The following GSPT2 variants were observed in gnomAD, a reference collection of about 807,000 sequenced individuals.
GSPT2 encodes the protein G1 to S phase transition 2.
Under a neutral mutation model 24.6 loss-of-function variants are expected in GSPT2, and 2 were observed. That is an observed-to-expected ratio of 0.08 (90% CI 0.03 to 0.26). The LOEUF is 0.26. GSPT2 is among the 10% of genes least tolerant of loss of function. The pLI is 1.00. For missense variants in GSPT2, 322 were observed against 489.6 expected (o/e 0.66, Z 3.23); for synonymous variants, 194 against 189.3 (o/e 1.02, Z -0.20).
In GSPT2 at chrX:51,744,511, C is replaced by G. The variant is rs782238668; in HGVS notation, c.885C>G (p.Val295=). 7 of 1,209,485 alleles carry G rather than the reference C, an allele frequency of 5.8e-6. No homozygotes were observed. The African/African-American group carries it at 8.8e-5, about 15-fold the overall frequency. ...ILDAPGHKSF[V]PNMIGGASQA... ...ATGCCCCTGGCCACAAGAGTTTTGTCCCAAATATGATTGGTGGTGCTTCTC... is the reference window on the plus strand; with the variant it reads ...ATGCCCCTGGCCACAAGAGTTTTGTGCCAAATATGATTGGTGGTGCTTCTC... Residue 295 remains valine (V), a synonymous_variant, in exon 1 of 1, where the codon GTC becomes GTG. Coordinates refer to ENST00000340438, the MANE Select transcript of GSPT2 (RefSeq NM_018094.5).
chrX:51,745,514 G>C lies in GSPT2; in HGVS notation c.*1G>C. 21 of 1,155,377 alleles carry C rather than the reference G, an allele frequency of 1.8e-5. No individual in the cohort carries two copies. Among genetic ancestry groups the C allele is most frequent in the Non-Finnish European group, 2.5e-5 (21 of 846,549 alleles). ...GAAATTGGTCCCAGAGAAGGACTAA[G>C]CAATTTTCTTGATGCCTCTGCAAGA... On this transcript the variant is annotated 3_prime_UTR_variant, in exon 1 of 1. Coordinates refer to ENST00000340438, the MANE Select transcript of GSPT2 (RefSeq NM_018094.5).
In GSPT2 at chrX:51,743,484, C is replaced by T; in HGVS notation, c.-143C>T. 2.1e-6 allele frequency: 1 copy of T among 473,221 alleles called. No individual in the cohort carries two copies. The highest frequency in any genetic ancestry group is 3.5e-6 in the Non-Finnish European group (1 of 289,082). The allele number at this position is 473,221 out of a possible 1,213,427, so 39.0% of individuals were successfully genotyped here. ...CGCAGTTGCGAATGCAGCATCGGCG[C>T]TTAGCTGCCTCCGCGGTGCAGCTAA... On this transcript the variant is annotated 5_prime_UTR_variant, in exon 1 of 1. Coordinates refer to ENST00000340438, the MANE Select transcript of GSPT2 (RefSeq NM_018094.5).
chrX:51,743,502 G>A lies in GSPT2; in HGVS notation c.-125G>A, dbSNP rs1487370383. The A allele has an allele frequency of 3.3e-5, 18 of 539,634 alleles. No individual in the cohort carries two copies. The highest frequency in any genetic ancestry group is 5.3e-4 in the Middle Eastern group (1 of 1,886). The allele number at this position is 539,634 out of a possible 1,213,427, so 44.5% of individuals were successfully genotyped here. On this transcript the variant is annotated 5_prime_UTR_variant, in exon 1 of 1. Transcript: ENST00000340438. The stretch of plus-strand genomic sequence containing the variant: ...ATCGGCGCTTAGCTGCCTCCGCGGT[G>A]CAGCTAAGGTTCGTGTCGCTACCCC...
Position 51,745,168 on chromosome X carries a change from C to T in GSPT2, c.1542C>T (p.Asn514=), listed in dbSNP as rs1923969272. ...LPGFILCDPS[N]LCHSGRTFDV... is the part of the protein sequence containing the mutation. ...GATTCATACTTTGTGATCCTAGTAA[C>T]CTCTGCCATTCTGGACGCACGTTTG... The change falls in exon 1 of 1, where the codon AAC becomes AAT. Residue 514 remains asparagine, a synonymous_variant. Transcript: ENST00000340438. 1 of 1,201,451 alleles carries T rather than the reference C, an allele frequency of 8.3e-7. No individual in the cohort carries two copies. The highest frequency in any genetic ancestry group is 1.1e-6 in the Non-Finnish European group (1 of 887,613).
In GSPT2 at chrX:51,745,294, G is replaced by T. The variant is rs1602183901; in HGVS notation, c.1668G>T (p.Ala556=). Reference sequence around the variant, plus strand: ...GTATTGAGGAAGTTGAGATAACAGCGTTAATCTCCTTGGTAGACAAAAAAT... The same window carrying T: ...GTATTGAGGAAGTTGAGATAACAGCTTTAATCTCCTTGGTAGACAAAAAAT... The part of the protein sequence containing the change: ...HTCIEEVEIT[A]LISLVDKKSG... Residue 556 remains alanine, a synonymous_variant, in exon 1 of 1, where the codon GCG becomes GCT. Coordinates refer to ENST00000340438, the MANE Select transcript of GSPT2 (RefSeq NM_018094.5). The T allele has an allele frequency of 8.3e-7, 1 of 1,204,140 alleles. No individual in the cohort carries two copies. Among genetic ancestry groups the T allele is most frequent in the Non-Finnish European group, 1.1e-6 (1 of 888,770 alleles).
rs889363987 is a variant in GSPT2 at position 51,743,658 on chromosome X, C to A, written c.32C>A (p.Ala11Glu). 1 of 1,200,159 alleles carries A rather than the reference C, an allele frequency of 8.3e-7. No homozygotes were observed. Among genetic ancestry groups the A allele is most frequent in the African/African-American group, 1.7e-5 (1 of 57,154 alleles). Residue 11 changes from alanine (A) to glutamate (E), a missense_variant, in exon 1 of 1, where the codon GCG becomes GAG. Coordinates refer to ENST00000340438, the MANE Select transcript of GSPT2 (RefSeq NM_018094.5). The stretch of plus-strand genomic sequence containing the variant: ...TCGGGCAGCAGCAGCAGCGACTCGG[C>A]GCCCGATTGCTGGGACCAGGTGGAC... MDSGSSSSDS[A>E]PDCWDQVDME...
At position 51,745,087 on chromosome X, in the gene GSPT2, A is replaced by T. The variant is rs111514646; in HGVS notation, c.1461A>T (p.Pro487=). ...ATACTGAAACTGATTTTGTAGCCCC[A>T]GGTGAAAACCTCAAAATCAGACTGA... The part of the protein sequence containing the change: ...SDDTETDFVA[P]GENLKIRLKG... Residue 487 remains proline, a synonymous_variant, in exon 1 of 1, where the codon CCA becomes CCT. Coordinates refer to ENST00000340438, the MANE Select transcript of GSPT2 (RefSeq NM_018094.5). 190 of 1,205,655 alleles carry T rather than the reference A, an allele frequency of 1.6e-4. 1 individual carries two copies. In the African/African-American group the frequency reaches 3.0e-3, roughly 19 times the overall value.
chrX:51,745,846 T>G lies in GSPT2; in HGVS notation c.*333T>G, dbSNP rs1461526280. The G allele has an allele frequency of 5.0e-6, 1 of 198,401 alleles. No individual in the cohort carries two copies. The highest frequency in any genetic ancestry group is 9.7e-6 in the Non-Finnish European group (1 of 102,967). The allele number at this position is 198,401 out of a possible 1,213,427, so 16.4% of individuals were successfully genotyped here. ...TTCTTTTAGGATATTTAGACCACCC[T>G]TGTTCCACGCAAACCAGAGTGTGTC... On this transcript the variant is annotated 3_prime_UTR_variant, in exon 1 of 1. Coordinates refer to ENST00000340438, the MANE Select transcript of GSPT2 (RefSeq NM_018094.5).
At position 51,745,603 on chromosome X, in the gene GSPT2, C is replaced by T. The variant is rs1361699169; in HGVS notation, c.*90C>T. ...CTCTTATTTACTGCCCATTGATTGA[C>T]TTTTCTTCATATTTTGCAAAGAGAA... On this transcript the variant is annotated 3_prime_UTR_variant, in exon 1 of 1. Coordinates refer to ENST00000340438, the MANE Select transcript of GSPT2 (RefSeq NM_018094.5). 6 of 575,932 alleles carry T rather than the reference C, an allele frequency of 1.0e-5. No individual in the cohort carries two copies. The highest frequency in any genetic ancestry group is 1.7e-5 in the Non-Finnish European group (6 of 355,098). The allele number at this position is 575,932 out of a possible 1,213,427, so 47.5% of individuals were successfully genotyped here. A position where few individuals can be genotyped will look rare whatever the true frequency, so the allele number is the denominator to read the frequency against.
rs1463219036 is a variant in GSPT2 at position 51,743,909 on chromosome X, G to T, written c.283G>T (p.Gly95Cys). Residue 95 changes from glycine to cysteine, a missense_variant, in exon 1 of 1, where the codon GGC becomes TGC. This residue lies in a region of GSPT2 where 125 missense variants were observed against 121.3 expected (regional missense o/e 1.03). Coordinates refer to ENST00000340438, the MANE Select transcript of GSPT2 (RefSeq NM_018094.5). ...CGGCAGCAACGATGAAACCTGCACC[G>T]GCGCGGGATACCCTCAAGGTAAAAG... ...GSGSNDETCTGAGYPQGKRMG... is the reference protein window; with the variant it reads ...GSGSNDETCTCAGYPQGKRMG... 8.3e-7 allele frequency: 1 copy of T among 1,203,721 alleles called. No homozygotes were observed. Among genetic ancestry groups the T allele is most frequent in the African/African-American group, 1.7e-5 (1 of 57,269 alleles).
rs1326085630 is a variant in GSPT2, at chrX:51,743,819, G to T, written c.193G>T (p.Ala65Ser). The T allele has an allele frequency of 8.3e-7, 1 of 1,209,255 alleles. No individual in the cohort carries two copies. Among genetic ancestry groups the T allele is most frequent in the Non-Finnish European group, 1.1e-6 (1 of 894,694 alleles). ...NAKPFVPNVH[A>S]AEFVPSFLRG... ...CAAGCCCTTCGTGCCTAACGTACAC[G>T]CCGCGGAGTTCGTGCCGTCCTTCCT... Residue 65 changes from alanine to serine, a missense_variant, in exon 1 of 1, where the codon GCC becomes TCC. Physicochemically the swap from Ala to Ser is moderately conservative, Grantham distance 99 (BLOSUM62 1). Transcript: ENST00000340438.
rs201315672 is a variant in GSPT2, at chrX:51,743,725, C to T, written c.99C>T (p.Ser33=). Residue 33 remains serine, a synonymous_variant, in exon 1 of 1, where the codon TCC becomes TCT. Transcript: ENST00000340438. ...PGSAPSGDGV[S]SAVAEAQREP... is the part of the protein sequence containing the mutation. ...CGGCCCCGAGCGGGGATGGAGTCTC[C>T]TCTGCGGTGGCCGAGGCCCAGCGCG... 19 of 1,209,784 alleles carry T rather than the reference C, an allele frequency of 1.6e-5. No individual in the cohort carries two copies. In the East Asian group the frequency reaches 5.6e-4, roughly 36 times the overall value.
chrX:51,743,981 G>T lies in GSPT2; in HGVS notation c.355G>T (p.Val119Leu), dbSNP rs1457544403. ...PVEPSREEPL[V>L]SLEGSNSAVT... The stretch of plus-strand genomic sequence containing the variant: ...GGAACCTTCCCGAGAGGAACCGTTA[G>T]TGTCGCTTGAAGGTTCCAATTCAGC... The change falls in exon 1 of 1, where the codon GTG becomes TTG. Residue 119 changes from valine (V) to leucine (L), a missense_variant. Physicochemically the swap from Val to Leu is conservative, Grantham distance 32. Around this residue, in one of 4 missense-constraint regions of GSPT2, gnomAD observed 125 missense variants for 121.3 expected, o/e 1.03. Coordinates refer to ENST00000340438, the MANE Select transcript of GSPT2 (RefSeq NM_018094.5). 8 of 1,206,809 alleles carry T rather than the reference G, an allele frequency of 6.6e-6. No individual in the cohort carries two copies. The Admixed American group carries it at 1.1e-4, about 17-fold the overall frequency.
rs1923978780 is a variant in GSPT2 at position 51,745,654 on chromosome X, G to C, written c.*141G>C. 2.2e-6 allele frequency: 1 copy of C among 464,991 alleles called. No individual in the cohort carries two copies. The highest frequency in any genetic ancestry group is 4.1e-5 in the Admixed American group (1 of 24,688). 38.3% of individuals were successfully genotyped at this position (464,991 alleles called of 1,213,427 possible). A position where few individuals can be genotyped will look rare whatever the true frequency, so the allele number is the denominator to read the frequency against. On this transcript the variant is annotated 3_prime_UTR_variant, in exon 1 of 1. Coordinates refer to ENST00000340438, the MANE Select transcript of GSPT2 (RefSeq NM_018094.5). The stretch of plus-strand genomic sequence containing the variant: ...ATTTCACAGCAAAAATTCATGTTTT[G>C]TCAGCTTTCTCATGTTGAGATCTGT...
In GSPT2 at chrX:51,743,812, C is replaced by T. The variant is rs1482660493; in HGVS notation, c.186C>T (p.Asn62=). 8.3e-7 allele frequency: 1 copy of T among 1,209,707 alleles called. No homozygotes were observed. Among genetic ancestry groups the T allele is most frequent in the African/African-American group, 1.7e-5 (1 of 57,428 alleles). Residue 62 remains asparagine, a synonymous_variant, in exon 1 of 1, where the codon AAC becomes AAT. Coordinates refer to ENST00000340438, the MANE Select transcript of GSPT2 (RefSeq NM_018094.5). ...TCAACGCCAAGCCCTTCGTGCCTAA[C>T]GTACACGCCGCGGAGTTCGTGCCGT... is the stretch of plus-strand genomic sequence containing the variant. ...LNVNAKPFVP[N]VHAAEFVPSF...
At position 51,744,522 on chromosome X, in the gene GSPT2, T is replaced by C; in HGVS notation, c.896T>C (p.Ile299Thr). The C allele has an allele frequency of 8.3e-7, 1 of 1,211,105 alleles. No individual in the cohort carries two copies. The highest frequency in any genetic ancestry group is 1.1e-6 in the Non-Finnish European group (1 of 895,232). The change falls in exon 1 of 1, where the codon ATT becomes ACT. Residue 299 changes from isoleucine (I) to threonine (T), a missense_variant. By Grantham distance (89) the Ile-to-Thr change is moderately conservative. This residue lies in a region of GSPT2 where 72 missense variants were observed against 121.5 expected (regional missense o/e 0.59). Coordinates refer to ENST00000340438, the MANE Select transcript of GSPT2 (RefSeq NM_018094.5). ...CACAAGAGTTTTGTCCCAAATATGA[T>C]TGGTGGTGCTTCTCAAGCTGATTTG... is the stretch of plus-strand genomic sequence containing the variant. ...PGHKSFVPNM[I>T]GGASQADLAV...
Position 51,746,059 on chromosome X carries a change from C to A in GSPT2, c.*546C>A, listed in dbSNP as rs1460642810. 1 of 124,265 alleles carries A rather than the reference C, an allele frequency of 8.0e-6. No homozygotes were observed. The highest frequency in any genetic ancestry group is 1.9e-5 in the Non-Finnish European group (1 of 53,702). The allele number at this position is 124,265 out of a possible 1,213,427, so 10.2% of individuals were successfully genotyped here. On this transcript the variant is annotated 3_prime_UTR_variant, in exon 1 of 1. Transcript: ENST00000340438. ...ACTTAAAAACTTAAAAACTCTTCAC[C>A]ACTTACTGTTTTAAGTGAGGAATTT...
chrX:51,744,433 C>G lies in GSPT2; in HGVS notation c.807C>G (p.Val269=), dbSNP rs1923957154. The change falls in exon 1 of 1, where the codon GTC becomes GTG. Residue 269 remains valine (V), a synonymous_variant. Coordinates refer to ENST00000340438, the MANE Select transcript of GSPT2 (RefSeq NM_018094.5). ...AGGAACGAGACAAGGGTAAAACAGT[C>G]GAAGTGGGTCGTGCCTATTTTGAAA... ...NQEERDKGKT[V]EVGRAYFETE... 1 of 1,208,589 alleles carries G rather than the reference C, an allele frequency of 8.3e-7. No individual in the cohort carries two copies. Among genetic ancestry groups the G allele is most frequent in the African/African-American group, 1.8e-5 (1 of 57,059 alleles).
chrX:51,743,519 C>T lies in GSPT2; in HGVS notation c.-108C>T. 1.5e-6 allele frequency: 1 copy of T among 647,702 alleles called. No individual in the cohort carries two copies. Among genetic ancestry groups the T allele is most frequent in the Admixed American group, 3.6e-5 (1 of 27,433 alleles). The allele number at this position is 647,702 out of a possible 1,213,427, so 53.4% of individuals were successfully genotyped here. ...TCCGCGGTGCAGCTAAGGTTCGTGT[C>T]GCTACCCCTTGGCCCTTCGCTCTTG... On this transcript the variant is annotated 5_prime_UTR_variant, in exon 1 of 1. Coordinates refer to ENST00000340438, the MANE Select transcript of GSPT2 (RefSeq NM_018094.5).
Sources: gnomAD v4.1 joint callset for allele counts on GRCh38, gnomAD v4.1.1 for gene constraint, gnomAD v4.1.1 regional missense constraint, MANE v1.5 for transcripts, NCBI Gene and HGNC (gene_info 2026-07-23, HGNC 2026-07-21) for gene names.